NEDD4L: variants seen among roughly 807,000 people sequenced by gnomAD.
NEDD4L encodes E3 ubiquitin-protein ligase NEDD4-like.
In NEDD4L, 54 loss-of-function variants were observed where a neutral mutation model predicts 148.9. The observed-to-expected ratio is 0.36, with a 90% CI of 0.29 to 0.45. The LOEUF (loss-of-function observed/expected upper bound fraction) is 0.45. Ranked by LOEUF, NEDD4L falls within the 20% of genes least tolerant of loss-of-function variation. NEDD4L has a pLI of 1.00. For missense variants in NEDD4L, 856 were observed against 1,233.8 expected (o/e 0.69, Z 4.59); for synonymous variants, 433 against 440.7 (o/e 0.98, Z 0.22).
At chr18:58,081,415 C>T (rs2083426879) in intron 1 of NEDD4L, among the ~76,000 whole-genome samples, 1 of 151,934 alleles carries the variant, frequency 6.6e-6, no homozygotes, top group African/African-American at 2.4e-5. Flanking sequence ...CGGGGTTTCA[C>T]CGTGTTAGCC....
chr18:58,266,517 T>C (rs2050240146), intron 5 of NEDD4L, among the ~76,000 whole-genome samples: 1 of 152,152 alleles, frequency 6.6e-6, no homozygotes, highest in African/African-American at 2.4e-5. Context: ...TAGAAAGTTC[T>C]AGTAAATACT....
chr18:58,361,451 A>C (rs1006405724), intron 19 of NEDD4L, among the ~76,000 whole-genome samples: 2 of 152,310 alleles, frequency 1.3e-5, no homozygotes, highest in Middle Eastern at 6.8e-3. Context: ...TTTTCCAAGA[A>C]CTTTATAATC....
chr18:58,370,345 A>G, intron 22 of NEDD4L, 52 bp from the exon 23 acceptor site: 1 of 1,052,456 alleles, frequency 9.5e-7, no homozygotes, highest in Non-Finnish European at 1.5e-6. Flanking sequence ...ATGCTCTGAT[A>G]CATAGCAGTG....
intron 2 of NEDD4L, among the ~76,000 whole-genome samples, chr18:58,241,300 C>T (rs947075306): frequency 2.0e-5 from 3 of 152,244 alleles, no homozygotes; most frequent in Non-Finnish European, 2.9e-5. Flanking sequence ...GGTTTGAGCT[C>T]TGCAGGAATG....
chr18:58,367,718 G>T, intron 21 of NEDD4L, 28 bp from the exon 22 acceptor site: 1 of 1,612,034 alleles, frequency 6.2e-7, no homozygotes, highest in Non-Finnish European at 8.5e-7. Context: ...AAGTGTGATT[G>T]GGCTTTTCTT....
intron 1 of NEDD4L, among the ~76,000 whole-genome samples, chr18:58,094,529 G>A (rs1160058461): frequency 1.3e-5 from 2 of 152,068 alleles, no homozygotes; most frequent in East Asian, 1.9e-4. Flanking sequence ...CCGGCTGGAC[G>A]ACTGCACCCA....
intron 2 of NEDD4L, among the ~76,000 whole-genome samples, chr18:58,172,690 A>G (rs1183455175): frequency 2.6e-5 from 4 of 152,124 alleles, no homozygotes; most frequent in Admixed American, 6.5e-5. Context: ...TGTGTTTGGA[A>G]CCCAATGTAA....
chr18:58,365,582 A>C (rs1478575694), intron 20 of NEDD4L, among the ~76,000 whole-genome samples: 2 of 152,218 alleles, frequency 1.3e-5, no homozygotes, highest in Non-Finnish European at 2.9e-5. Context: ...CGGCCCTGCC[A>C]CAGTTGAGCA....
intron 5 of NEDD4L, among the ~76,000 whole-genome samples, chr18:58,274,375 G>A (rs773898203): frequency 2.0e-5 from 3 of 152,158 alleles, no homozygotes; most frequent in African/African-American, 4.8e-5. Flanking sequence ...CTTTGCCTCC[G>A]CCTGTACGTG....
At chr18:58,217,026 C>A (rs1002814542) in intron 2 of NEDD4L, among the ~76,000 whole-genome samples, 4 of 152,154 alleles carry the variant, frequency 2.6e-5, no homozygotes, top group Non-Finnish European at 5.9e-5. Context: ...AGAGGTACAT[C>A]GTATTGTGTT....
intron 22 of NEDD4L, among the ~76,000 whole-genome samples, chr18:58,369,702 T>G (rs1012698434): frequency 1.3e-5 from 2 of 152,162 alleles, no homozygotes; most frequent in Non-Finnish European, 2.9e-5. Flanking sequence ...CAGGACCCCC[T>G]GTGAGGAGGT....
At chr18:58,229,925 G>C (rs2044904671) in intron 2 of NEDD4L, among the ~76,000 whole-genome samples, 2 of 152,152 alleles carry the variant, frequency 1.3e-5, no homozygotes, top group African/African-American at 2.4e-5. Context: ...GGAGGCGGAG[G>C]TTGCAGTGAG....
At position 58,143,762 on chromosome 18, in the gene NEDD4L, C is replaced by T. The variant is rs545840566; in HGVS notation, c.49-22026C>T. Among the ~76,000 whole-genome samples, 10 of 152,150 alleles carry T rather than the reference C, an allele frequency of 6.6e-5. No homozygotes were observed. The East Asian group carries it at 9.7e-4, about 15-fold the overall frequency. On this transcript the variant is annotated intron_variant, in intron 1 of 30. Transcript: ENST00000400345. ...GTCCCTGTGAAGAAGACACAGCGGC[C>T]GGTGGTGTGACAGCCCACAGCTGTC...
chr18:58,119,969 C>T (rs2086118464), intron 1 of NEDD4L, among the ~76,000 whole-genome samples: 1 of 152,222 alleles, frequency 6.6e-6, no homozygotes, highest in Admixed American at 6.5e-5. Flanking sequence ...AGCAGATTGG[C>T]ACACATCGCA....
intron 4 of NEDD4L, among the ~76,000 whole-genome samples, chr18:58,251,430 A>G (rs952494699): frequency 6.6e-6 from 1 of 152,022 alleles, no homozygotes; most frequent in African/African-American, 2.4e-5. Flanking sequence ...AGGAGGATCA[A>G]TTGAGCCTGG....
chr18:58,062,350 T>C (rs1689140130), intron 1 of NEDD4L, among the ~76,000 whole-genome samples: 1 of 152,162 alleles, frequency 6.6e-6, no homozygotes, highest in Admixed American at 6.5e-5. Flanking sequence ...GCTTGTTTGC[T>C]GCACCTTCCA....
rs114671137 is a variant in NEDD4L, at chr18:58,270,980, A to G, written c.297+18926A>G. 5.3e-3 allele frequency among the ~76,000 whole-genome samples: 804 copies of G among 152,190 alleles called. 9 individuals carry two copies. Among genetic ancestry groups the G allele is most frequent in the African/African-American group, 0.018 (755 of 41,522 alleles). On this transcript the variant is annotated intron_variant, in intron 5 of 30. Coordinates refer to ENST00000400345, the MANE Select transcript of NEDD4L (RefSeq NM_001144967.3). ...TCTCGTCCTCCTGGAACGTCTCTGG[A>G]ATCAGATAGATTTTTGTAAGATTTG...
At chr18:58,367,963 A>C (rs2046335688) in intron 22 of NEDD4L, 96 bp downstream of exon 22, 1 of 1,291,014 alleles carries the variant, frequency 7.7e-7, no homozygotes, top group Non-Finnish European at 1.1e-6. Context: ...CAAAAGCTTC[A>C]CTGGTTTACT....
In NEDD4L at chr18:58,044,679, G is replaced by T. The variant is rs1297376280; in HGVS notation, c.19G>T (p.Glu7Ter). 1.2e-6 allele frequency: 2 copies of T among 1,605,462 alleles called. No individual in the cohort carries two copies. Among genetic ancestry groups the T allele is most frequent in the South Asian group, 1.1e-5 (1 of 90,054 alleles). The change falls in exon 1 of 31, where the codon GAG becomes TAG. Residue 7 changes from glutamate (E) to a stop codon, truncating the protein, a stop_gained. Transcript: ENST00000400345. LOFTEE classifies it high-confidence loss of function. Reference protein sequence around the residue: MATGLGEPVYGLSEDEG... With the variant: MATGLG Reference sequence around the variant, plus strand: ...CGGCTCCATGGCGACCGGGCTCGGGGAGCCGGTCTATGGACTTTCCGAAGA... The same window carrying T: ...CGGCTCCATGGCGACCGGGCTCGGGTAGCCGGTCTATGGACTTTCCGAAGA...
Sources: allele counts gnomAD v4.1 joint callset (sites outside exome capture counted in the v4.1 genomes callset), GRCh38; gene constraint gnomAD v4.1.1; transcripts MANE v1.5; gene names NCBI Gene and HGNC (gene_info 2026-07-23, HGNC 2026-07-21).